The following MRPL1 variants were observed in gnomAD, a reference collection of about 807,000 sequenced individuals.
The protein encoded by MRPL1 is large ribosomal subunit protein uL1m.
Under a neutral mutation model 38.0 loss-of-function variants are expected in MRPL1, and 28 were observed. The observed-to-expected ratio is 0.74, with a 90% confidence interval of 0.55 to 1.01. The LOEUF is 1.01. Among genes scored for constraint, MRPL1 ranks in the 50% least tolerant of loss-of-function variants. The pLI is 0.00. For synonymous variants in MRPL1, 123 were observed against 126.7 expected (o/e 0.97, Z 0.20); for missense variants, 358 against 389.8 (o/e 0.92, Z 0.69).
intron 7 of MRPL1, among the ~76,000 whole-genome samples, chr4:77,944,211 C>T (rs1374246704): frequency 1.3e-5 from 2 of 152,192 alleles, no homozygotes; most frequent in African/African-American, 4.8e-5. Context: ...TGGGGCATGT[C>T]TGCACAGAGT....
intron 7 of MRPL1, among the ~76,000 whole-genome samples, chr4:77,931,686 C>T (rs953225187): frequency 1.3e-5 from 2 of 152,174 alleles, no homozygotes; most frequent in Non-Finnish European, 2.9e-5. Context: ...AATTAGTCAT[C>T]TTGTGTTGGT....
intron 6 of MRPL1, among the ~76,000 whole-genome samples, chr4:77,898,253 G>A (rs1292985529): frequency 1.3e-5 from 2 of 151,864 alleles, no homozygotes; most frequent in Non-Finnish European, 2.9e-5. Flanking sequence ...ATCACTCTTA[G>A]CATCTTTTTT....
intron 6 of MRPL1, among the ~76,000 whole-genome samples, chr4:77,906,482 G>GT (rs1273239275): frequency 3.3e-5 from 5 of 152,138 alleles, no homozygotes; most frequent in African/African-American, 9.7e-5. Flanking sequence ...GTAAGCTAAT[G>GT]AAGATTGTCT....
intron 7 of MRPL1, among the ~76,000 whole-genome samples, chr4:77,910,679 T>C (rs1736267874): frequency 6.6e-6 from 1 of 152,194 alleles, no homozygotes; most frequent in Non-Finnish European, 1.5e-5. Flanking sequence ...AATCCTCCCT[T>C]AGCCTTCTGG....
intron 2 of MRPL1, among the ~76,000 whole-genome samples, chr4:77,874,962 A>G (rs1188403584): frequency 6.7e-6 from 1 of 148,722 alleles, no homozygotes; most frequent in African/African-American, 2.5e-5. Context: ...TTTTTTTTGT[A>G]TTTTTAGTAG....
chr4:77,925,733 G>A (rs1215515437), intron 7 of MRPL1, among the ~76,000 whole-genome samples: 1 of 151,384 alleles, frequency 6.6e-6, no homozygotes, highest in East Asian at 1.9e-4. Context: ...GCATCACCAT[G>A]TTTTGATTCT....
intron 7 of MRPL1, among the ~76,000 whole-genome samples, chr4:77,941,823 T>C (rs1280623088): frequency 1.3e-5 from 2 of 152,182 alleles, no homozygotes. Context: ...ACCATCCATT[T>C]GTTTCATTTA....
rs369596317 is a variant in MRPL1 at position 77,884,244 on chromosome 4, CAAAA to C, written c.402+757_402+760del. Among the ~76,000 whole-genome samples, 201 of 89,102 alleles carry C rather than the reference CAAAA, an allele frequency of 2.3e-3. 1 individual carries two copies. The highest frequency in any genetic ancestry group is 7.0e-3 in the African/African-American group (181 of 25,736). The allele number at this position is 89,102 out of a possible 152,430, so 58.5% of individuals were successfully genotyped here. ...TGGGCGACAGAGCAAGACTCCATCT[CAAAA>C]AAAAAAAAAAAAGAGAATTTGTCTC... is the stretch of plus-strand genomic sequence containing the variant. On this transcript the variant is annotated intron_variant, in intron 3 of 8. Coordinates refer to ENST00000315567, the MANE Select transcript of MRPL1 (RefSeq NM_020236.4).
intron 2 of MRPL1, among the ~76,000 whole-genome samples, chr4:77,874,091 C>T (rs1008498146): frequency 3.9e-5 from 6 of 151,936 alleles, no homozygotes; most frequent in African/African-American, 1.2e-4. Flanking sequence ...TTCCACCTCC[C>T]GGGTTCAAAT....
intron 7 of MRPL1, among the ~76,000 whole-genome samples, chr4:77,914,145 A>AT (rs1736361088): frequency 6.6e-6 from 1 of 152,236 alleles, no homozygotes; most frequent in Admixed American, 6.5e-5. Context: ...AAAAAAGAAT[A>AT]AACTAAGGAT....
intron 8 of MRPL1, among the ~76,000 whole-genome samples, 166 bp downstream of exon 8, chr4:77,950,044 A>C (rs1364537622): frequency 5.3e-5 from 8 of 152,220 alleles, no homozygotes; most frequent in African/African-American, 1.9e-4. Flanking sequence ...GGATTAAATA[A>C]ATAAAATTTA....
intron 7 of MRPL1, among the ~76,000 whole-genome samples, chr4:77,936,158 G>A (rs1279633531): frequency 1.4e-5 from 2 of 143,896 alleles, no homozygotes; most frequent in Non-Finnish European, 3.0e-5. Flanking sequence ...TGCTCTTTCT[G>A]TATGGACGTA....
chr4:77,952,347 A>G (rs753173604), intron 8 of MRPL1, 142 bp from the exon 9 acceptor site: 14 of 671,374 alleles, frequency 2.1e-5, no homozygotes, highest in Admixed American at 1.1e-4. Flanking sequence ...CTACGGTACA[A>G]TTGGTTTCTT....
At chr4:77,872,086 C>G (rs1042616285) in intron 2 of MRPL1, among the ~76,000 whole-genome samples, 1 of 152,094 alleles carries the variant, frequency 6.6e-6, no homozygotes, top group Admixed American at 6.6e-5. Flanking sequence ...TATGAGGAAG[C>G]TATTGTTATT....
intron 5 of MRPL1, among the ~76,000 whole-genome samples, chr4:77,893,918 AT>A (rs1287917782): frequency 1.4e-4 from 20 of 148,078 alleles, no homozygotes; most frequent in Non-Finnish European, 1.4e-4. Context: ...GAAACCATTA[AT>A]TTTTTTTTTT....
intron 7 of MRPL1, among the ~76,000 whole-genome samples, chr4:77,928,473 C>T (rs1163262927): frequency 1.3e-5 from 2 of 152,174 alleles, no homozygotes; most frequent in South Asian, 2.1e-4. Flanking sequence ...TTCCCTTATT[C>T]CTTCTAGTTA....
chr4:77,891,730 G>A (rs1164617669), intron 5 of MRPL1, among the ~76,000 whole-genome samples: 1 of 152,206 alleles, frequency 6.6e-6, no homozygotes, highest in Non-Finnish European at 1.5e-5. Flanking sequence ...TGGTAATAGA[G>A]CAGAAAGTGT....
chr4:77,913,880 T>C (rs775208034), intron 7 of MRPL1, among the ~76,000 whole-genome samples: 1 of 152,262 alleles, frequency 6.6e-6, no homozygotes, highest in Non-Finnish European at 1.5e-5. Flanking sequence ...TCCTGTATGA[T>C]TCTTTTTGTA....
chr4:77,883,793 G>T (rs1735607440), intron 3 of MRPL1, among the ~76,000 whole-genome samples: 1 of 152,182 alleles, frequency 6.6e-6, no homozygotes, highest in South Asian at 2.1e-4. Flanking sequence ...GCCCAGGCTG[G>T]TTTTGAACTC....
Sources: gnomAD v4.1 joint callset for allele counts (sites outside exome capture counted in the v4.1 genomes callset) on GRCh38, gnomAD v4.1.1 for gene constraint, MANE v1.5 for transcripts, NCBI Gene and HGNC (gene_info 2026-07-23, HGNC 2026-07-21) for gene names.